Variants in PPP3CB observed in about 807,000 individuals in gnomAD.
PPP3CB encodes the protein protein phosphatase 3 catalytic subunit beta.
PPP3CB carries 8 observed loss-of-function variants against 66.4 expected under a neutral mutation model. The observed-to-expected ratio is 0.12, with a 90% CI of 0.07 to 0.22. The LOEUF (loss-of-function observed/expected upper bound fraction) is 0.22. Ranked by LOEUF, PPP3CB falls within the 10% of genes least tolerant of loss-of-function variation. The pLI, the probability that PPP3CB is intolerant of heterozygous loss-of-function variation, is 1.00. For missense variants in PPP3CB, 319 were observed against 642.5 expected (o/e 0.50, Z 5.44); for synonymous variants, 208 against 221.2 (o/e 0.94, Z 0.53).
chr10:73,463,873 G>C (rs186101386), intron 9 of PPP3CB, among the ~76,000 whole-genome samples: 1 of 151,842 alleles, frequency 6.6e-6, no homozygotes, highest in East Asian at 1.9e-4. Context: ...CTGACCTCGC[G>C]ATCTGCCTGC....
chr10:73,438,231 G>A lies in PPP3CB; in HGVS notation c.*11C>T, dbSNP rs2056096348. 1.2e-6 allele frequency: 2 copies of A among 1,608,758 alleles called. No individual in the cohort carries two copies. The highest frequency in any genetic ancestry group is 1.3e-5 in the African/African-American group (1 of 74,764). ...GGGCCCGAGATGTGAGAGTCCCTGGGAAGTAGTGGGTCACTGGGCAGTATG... is the reference window on the plus strand; with the variant it reads ...GGGCCCGAGATGTGAGAGTCCCTGGAAAGTAGTGGGTCACTGGGCAGTATG... On this transcript the variant is annotated 3_prime_UTR_variant, in exon 14 of 14. Transcript: ENST00000360663.
intron 1 of PPP3CB, among the ~76,000 whole-genome samples, chr10:73,484,804 C>A (rs919451494): frequency 2.0e-5 from 3 of 152,222 alleles, no homozygotes; most frequent in African/African-American, 7.2e-5. Context: ...GTAATCCCAA[C>A]ACTTTGGGAG....
intron 9 of PPP3CB, among the ~76,000 whole-genome samples, chr10:73,460,808 C>T (rs1157130837): frequency 6.6e-6 from 1 of 152,244 alleles, no homozygotes; most frequent in African/African-American, 2.4e-5. Context: ...CCAGCCACCA[C>T]CTGGTGTTAA....
chr10:73,485,806 T>C (rs977356028), intron 1 of PPP3CB, among the ~76,000 whole-genome samples: 1 of 152,086 alleles, frequency 6.6e-6, no homozygotes, highest in Non-Finnish European at 1.5e-5. Context: ...AGTGGCAGGA[T>C]CTCAGCTCAC....
chr10:73,469,290 C>T (rs1346075005), intron 8 of PPP3CB, among the ~76,000 whole-genome samples: 1 of 152,212 alleles, frequency 6.6e-6, no homozygotes, highest in Non-Finnish European at 1.5e-5. Flanking sequence ...GGCCTATAAT[C>T]GCAGCACTTT....
intron 9 of PPP3CB, among the ~76,000 whole-genome samples, chr10:73,454,978 TTC>T (rs2056402020): frequency 6.6e-6 from 1 of 151,906 alleles, no homozygotes; most frequent in African/African-American, 2.4e-5. Flanking sequence ...GTTCAAGAGA[TTC>T]TCCTGCCTCA....
intron 2 of PPP3CB, 53 bp downstream of exon 2, chr10:73,479,264 G>T: frequency 6.7e-7 from 1 of 1,492,102 alleles, no homozygotes; most frequent in Non-Finnish European, 9.3e-7. Context: ...GTAAATCCAG[G>T]CAACTAAATA....
chr10:73,438,917 T>G (rs187655662), intron 13 of PPP3CB, among the ~76,000 whole-genome samples: 8 of 152,196 alleles, frequency 5.3e-5, no homozygotes, highest in Non-Finnish European at 1.2e-4. Context: ...ATACAGTAGA[T>G]CAGAACTATC....
chr10:73,459,552 A>G (rs1226919576), intron 9 of PPP3CB, among the ~76,000 whole-genome samples: 1 of 152,280 alleles, frequency 6.6e-6, no homozygotes, highest in Non-Finnish European at 1.5e-5. Context: ...TAAGTCCAAG[A>G]GTAGAAATAA....
rs146304740 is a variant in PPP3CB at position 73,439,839 on chromosome 10, G to A, written c.1396+33C>T. The A allele has an allele frequency of 2.5e-3, 4,007 of 1,606,334 alleles. 7 individuals are homozygous for A. The highest frequency in any genetic ancestry group is 3.1e-3 in the Non-Finnish European group (3,693 of 1,173,126). Reference sequence around the variant, plus strand: ...CTCTGATGCCCACCCACACACCACAGATCTCTGCCCAGCACAAGGACTCTG... The same window carrying A: ...CTCTGATGCCCACCCACACACCACAAATCTCTGCCCAGCACAAGGACTCTG... On this transcript the variant is annotated intron_variant, in intron 13 of 13. Transcript: ENST00000360663.
chr10:73,454,545 A>AC (rs1554822747), intron 9 of PPP3CB, 56 bp from the exon 10 acceptor site: 1 of 1,111,664 alleles, frequency 9.0e-7, no homozygotes, highest in African/African-American at 1.6e-5. Context: ...GTCTATACAT[A>AC]CACATAGCAA....
In PPP3CB at chr10:73,481,246, T is replaced by G. The variant is rs528709868; in HGVS notation, c.86-1729A>C. ...CCCAGACTTGGGAGGCCAAGGCCAGTGGATCACTTGAAGTCAGGAGTTCAA... is the reference window on the plus strand; with the variant it reads ...CCCAGACTTGGGAGGCCAAGGCCAGGGGATCACTTGAAGTCAGGAGTTCAA... On this transcript the variant is annotated intron_variant, in intron 1 of 13. Transcript: ENST00000360663. Among the ~76,000 whole-genome samples, 24 of 149,572 alleles carry G rather than the reference T, an allele frequency of 1.6e-4. No homozygotes were observed. In the South Asian group the frequency reaches 5.1e-3, roughly 32 times the overall value.
intron 6 of PPP3CB, 26 bp downstream of exon 6, chr10:73,471,044 G>A (rs772909684): frequency 6.3e-7 from 1 of 1,596,846 alleles, no homozygotes; most frequent in African/African-American, 1.3e-5. Flanking sequence ...ACTAAAATGT[G>A]ATTAATCTTG....
intron 1 of PPP3CB, among the ~76,000 whole-genome samples, chr10:73,493,013 C>T (rs1312053850): frequency 6.6e-6 from 1 of 152,072 alleles, no homozygotes; most frequent in Non-Finnish European, 1.5e-5. Context: ...CGGTGGCTCA[C>T]GCCTGTAATC....
At chr10:73,485,223 A>AT (rs910141154) in intron 1 of PPP3CB, among the ~76,000 whole-genome samples, 1 of 152,174 alleles carries the variant, frequency 6.6e-6, no homozygotes, top group Admixed American at 6.6e-5. Flanking sequence ...TTCGCAAGGT[A>AT]TTTTCACTCA....
chr10:73,484,393 C>G (rs1334999564), intron 1 of PPP3CB, among the ~76,000 whole-genome samples: 1 of 151,908 alleles, frequency 6.6e-6, no homozygotes, highest in Non-Finnish European at 1.5e-5. Context: ...GCCTCAGCCT[C>G]CCGAGTAGCT....
In PPP3CB at chr10:73,492,043, T is replaced by C. The variant is rs930262301; in HGVS notation, c.85+3762A>G. ...AAAGGAAAGCTACTAGAAAACACTT[T>C]AGCCAAATGACTTCAGATTTATAAG... On this transcript the variant is annotated intron_variant, in intron 1 of 13. Transcript: ENST00000360663. Among the ~76,000 whole-genome samples, 4 of 151,358 alleles carry C rather than the reference T, an allele frequency of 2.6e-5. No homozygotes were observed. The South Asian group carries it at 6.2e-4, about 24-fold the overall frequency.
At chr10:73,467,314 A>T in intron 9 of PPP3CB, 1 of 256,786 alleles carries the variant, frequency 3.9e-6, no homozygotes, top group Non-Finnish European at 7.3e-6. Context: ...CCAACAGCTG[A>T]AGACATTGGG....
At chr10:73,492,409 A>G (rs979273772) in intron 1 of PPP3CB, among the ~76,000 whole-genome samples, 28 of 152,188 alleles carry the variant, frequency 1.8e-4, no homozygotes, top group African/African-American at 5.8e-4. Context: ...GTATCTGGGG[A>G]AAAAAGGAGG....
Sources: allele counts gnomAD v4.1 joint callset (sites outside exome capture counted in the v4.1 genomes callset), GRCh38; gene constraint gnomAD v4.1.1; transcripts MANE v1.5; gene names NCBI Gene and HGNC (gene_info 2026-07-23, HGNC 2026-07-21).